NELL1: variants seen among roughly 807,000 people sequenced by gnomAD.
The protein encoded by NELL1 is neural EGFL like 1.
A neutral mutation model predicts 107.4 loss-of-function variants in NELL1; 76 were observed. The ratio of observed to expected loss-of-function variants is 0.71; its 90% CI spans 0.59 to 0.86. The LOEUF (loss-of-function observed/expected upper bound fraction) is 0.86, where lower values mean the gene tolerates loss of function less well. Ranked by LOEUF, NELL1 falls within the 40% of genes least tolerant of loss-of-function variation. The pLI is 0.00. For synonymous variants in NELL1, 353 were observed against 341.2 expected (o/e 1.03, Z -0.38); for missense variants, 1,024 against 1,005.5 (o/e 1.02, Z -0.25).
At chr11:20,691,535 A>G (rs1854466392) in intron 2 of NELL1, among the ~76,000 whole-genome samples, 1 of 152,250 alleles carries the variant, frequency 6.6e-6, no homozygotes, top group Non-Finnish European at 1.5e-5. Context: ...GCATTTATTG[A>G]GATAATCGTG....
chr11:20,966,036 A>G (rs1053336283), intron 12 of NELL1, among the ~76,000 whole-genome samples: 1 of 152,210 alleles, frequency 6.6e-6, no homozygotes, highest in Admixed American at 6.5e-5. Context: ...CATGATCTAC[A>G]TAGCCCAGTT....
At chr11:20,715,853 A>G (rs969793598) in intron 2 of NELL1, among the ~76,000 whole-genome samples, 12 of 152,130 alleles carry the variant, frequency 7.9e-5, no homozygotes, top group Admixed American at 6.5e-4. Flanking sequence ...AGCTATTTCA[A>G]TGTAGCCTTT....
chr11:21,060,771 C>T (rs554789653), intron 12 of NELL1, among the ~76,000 whole-genome samples: 13 of 152,202 alleles, frequency 8.5e-5, no homozygotes, highest in South Asian at 4.2e-4. Flanking sequence ...GCATGATCTC[C>T]GCTCACTGCA....
intron 12 of NELL1, among the ~76,000 whole-genome samples, chr11:20,999,468 C>T (rs1428443371): frequency 3.3e-5 from 5 of 152,208 alleles, no homozygotes; most frequent in Admixed American, 6.5e-5. Flanking sequence ...GGCTTCCACT[C>T]ATTGGGCAGA....
At chr11:21,040,927 A>G (rs1853213637) in intron 12 of NELL1, among the ~76,000 whole-genome samples, 1 of 152,202 alleles carries the variant, frequency 6.6e-6, no homozygotes, top group South Asian at 2.1e-4. Context: ...GAGATTGTCA[A>G]GGTCAGTAAT....
chr11:20,853,579 G>T (rs1371188314), intron 4 of NELL1, among the ~76,000 whole-genome samples: 1 of 152,156 alleles, frequency 6.6e-6, no homozygotes, highest in Non-Finnish European at 1.5e-5. Flanking sequence ...TTAAGCTTCT[G>T]TATGAACATA....
chr11:21,516,897 C>G (rs1179705134), intron 15 of NELL1, among the ~76,000 whole-genome samples: 1 of 151,946 alleles, frequency 6.6e-6, no homozygotes, highest in Non-Finnish European at 1.5e-5. Context: ...CTCCGTCTCC[C>G]AGGGTCAAGC....
chr11:21,259,536 A>AATT (rs1858852045), intron 14 of NELL1, among the ~76,000 whole-genome samples: 1 of 151,906 alleles, frequency 6.6e-6, no homozygotes, highest in Non-Finnish European at 1.5e-5. Flanking sequence ...GCAGATGAAA[A>AATT]GAGTTCCAAG....
At chr11:21,169,906 C>A (rs1856566416) in intron 13 of NELL1, 2 of 1,460,224 alleles carry the variant, frequency 1.4e-6, no homozygotes, top group Admixed American at 1.7e-5. Context: ...CCAGGTCGTC[C>A]ACCGATGCCT....
At chr11:21,229,771 G>T (rs540461884) in intron 14 of NELL1, among the ~76,000 whole-genome samples, 8 of 152,286 alleles carry the variant, frequency 5.3e-5, no homozygotes, top group Non-Finnish European at 1.0e-4. Context: ...TTTCCTGTGA[G>T]ATTTTCCCCA....
chr11:21,281,508 C>G (rs1359937044), intron 14 of NELL1, among the ~76,000 whole-genome samples: 3 of 152,168 alleles, frequency 2.0e-5, no homozygotes, highest in South Asian at 2.1e-4. Context: ...GGATGCAAGC[C>G]TGGCTGGCTT....
At chr11:20,902,825 A>G (rs549310150) in intron 5 of NELL1, among the ~76,000 whole-genome samples, 1 of 152,264 alleles carries the variant, frequency 6.6e-6, no homozygotes, top group Admixed American at 6.5e-5. Context: ...AAGTAATTTT[A>G]AATGAAAAAG....
intron 16 of NELL1, among the ~76,000 whole-genome samples, chr11:21,541,638 T>G (rs1384855395): frequency 6.6e-6 from 1 of 152,052 alleles, no homozygotes; most frequent in African/African-American, 2.4e-5. Flanking sequence ...AATACTGTGA[T>G]GTAATGGAGA....
intron 12 of NELL1, among the ~76,000 whole-genome samples, chr11:21,022,371 C>T (rs1456890180): frequency 1.3e-5 from 2 of 152,072 alleles, no homozygotes; most frequent in Admixed American, 1.3e-4. Context: ...TATAGGTACT[C>T]TAGTTTTGGG....
At chr11:20,771,257 C>T (rs1006393207) in intron 2 of NELL1, among the ~76,000 whole-genome samples, 1 of 152,092 alleles carries the variant, frequency 6.6e-6, no homozygotes, top group East Asian at 1.9e-4. Context: ...GTAATGCTGC[C>T]CTGTTGGTCC....
intron 14 of NELL1, among the ~76,000 whole-genome samples, chr11:21,308,180 G>C (rs950116065): frequency 1.3e-5 from 2 of 152,014 alleles, no homozygotes; most frequent in Non-Finnish European, 2.9e-5. Context: ...TGGGGTTGCT[G>C]TGAACCTTAA....
chr11:21,233,376 T>G (rs1365654098), intron 14 of NELL1, among the ~76,000 whole-genome samples: 1 of 152,174 alleles, frequency 6.6e-6, no homozygotes, highest in Non-Finnish European at 1.5e-5. Context: ...TGCTTTTAGT[T>G]TTTTCCCTCC....
chr11:21,351,311 A>C (rs1287555847), intron 14 of NELL1, among the ~76,000 whole-genome samples: 4 of 152,002 alleles, frequency 2.6e-5, no homozygotes, highest in African/African-American at 9.7e-5. Flanking sequence ...GGTAATTTGG[A>C]TATGGCGACT....
chr11:21,413,354 G>T (rs186115486), intron 15 of NELL1, among the ~76,000 whole-genome samples: 15 of 151,774 alleles, frequency 9.9e-5, no homozygotes, highest in Admixed American at 3.3e-4. Flanking sequence ...TGCTGGGGGT[G>T]GGGGGGAGAT....
Sources: allele counts gnomAD v4.1 joint callset (sites outside exome capture counted in the v4.1 genomes callset), GRCh38; gene constraint gnomAD v4.1.1; transcripts MANE v1.5; gene names NCBI Gene and HGNC (gene_info 2026-07-23, HGNC 2026-07-21).